The following LSAMP variants were observed in gnomAD, a reference collection of about 807,000 sequenced individuals.
LSAMP encodes limbic system-associated membrane protein.
In LSAMP, 7 loss-of-function variants were observed where a neutral mutation model predicts 38.6. That is an observed-to-expected ratio of 0.18 (90% confidence interval 0.10 to 0.34). The LOEUF is 0.34. LSAMP is among the 10% of genes least tolerant of loss of function. LSAMP has a pLI of 1.00. For missense variants in LSAMP, 313 were observed against 420.0 expected, an observed-to-expected ratio of 0.75 and a Z score of 2.23; for synonymous variants, 154 against 166.8, an observed-to-expected ratio of 0.92 and a Z score of 0.59.
chr3:115,994,980 G>A (rs780553898), intron 3 of LSAMP, among the ~76,000 whole-genome samples: 1 of 152,024 alleles, frequency 6.6e-6, no homozygotes, highest in Non-Finnish European at 1.5e-5. Flanking sequence ...GCTGGGCATC[G>A]CACAATGCCC....
intron 2 of LSAMP, among the ~76,000 whole-genome samples, chr3:116,075,080 T>C (rs1182611041): frequency 6.6e-6 from 1 of 151,414 alleles, no homozygotes; most frequent in Non-Finnish European, 1.5e-5. Context: ...TCTGGTGATC[T>C]GCCCATCTTG....
At chr3:115,901,562 G>A (rs543421977) in intron 3 of LSAMP, among the ~76,000 whole-genome samples, 5 of 152,194 alleles carry the variant, frequency 3.3e-5, no homozygotes, top group East Asian at 1.9e-4. Flanking sequence ...CAAAACCAGC[G>A]TATCTCCCTG....
intron 1 of LSAMP, among the ~76,000 whole-genome samples, chr3:116,228,595 A>G (rs1342036243): frequency 6.6e-6 from 1 of 152,132 alleles, no homozygotes; most frequent in Non-Finnish European, 1.5e-5. Flanking sequence ...ACAATAAATG[A>G]CAGCTGTAAC....
chr3:116,321,990 T>C (rs1170666573), intron 1 of LSAMP, among the ~76,000 whole-genome samples: 1 of 152,192 alleles, frequency 6.6e-6, no homozygotes, highest in Non-Finnish European at 1.5e-5. Flanking sequence ...GGAAGACACA[T>C]GATGAATACA....
At chr3:116,165,288 T>C (rs1312189868) in intron 1 of LSAMP, among the ~76,000 whole-genome samples, 1 of 152,046 alleles carries the variant, frequency 6.6e-6, no homozygotes, top group Non-Finnish European at 1.5e-5. Flanking sequence ...GCCCCCATCA[T>C]TGCAGCTTTC....
intron 3 of LSAMP, among the ~76,000 whole-genome samples, chr3:115,936,221 G>T (rs1435560773): frequency 6.6e-6 from 1 of 152,158 alleles, no homozygotes; most frequent in Admixed American, 6.5e-5. Context: ...TTGGTAGCTA[G>T]AATAGCTAAG....
At chr3:115,862,288 T>C (rs1422691670) in intron 3 of LSAMP, among the ~76,000 whole-genome samples, 3 of 152,224 alleles carry the variant, frequency 2.0e-5, no homozygotes, top group Non-Finnish European at 2.9e-5. Context: ...CATAAATCAA[T>C]TGGCATTTAG....
At chr3:115,870,329 T>C (rs1471540921) in intron 3 of LSAMP, among the ~76,000 whole-genome samples, 1 of 152,170 alleles carries the variant, frequency 6.6e-6, no homozygotes, top group African/African-American at 2.4e-5. Context: ...TTCCCATTTT[T>C]TTAAGTTGGG....
At chr3:116,213,030 T>C (rs1460851839) in intron 1 of LSAMP, among the ~76,000 whole-genome samples, 2 of 152,230 alleles carry the variant, frequency 1.3e-5, no homozygotes, top group African/African-American at 2.4e-5. Context: ...TTTTAAACTA[T>C]ATTCAAAGAT....
At chr3:115,861,186 C>T (rs533040457) in intron 3 of LSAMP, among the ~76,000 whole-genome samples, 7 of 128,112 alleles carry the variant, frequency 5.5e-5, no homozygotes, top group African/African-American at 1.8e-4. Flanking sequence ...TCCTTCCTTC[C>T]TTCCTTCCTT....
At chr3:116,278,469 A>G (rs2047082906) in intron 1 of LSAMP, among the ~76,000 whole-genome samples, 1 of 152,234 alleles carries the variant, frequency 6.6e-6, no homozygotes, top group Non-Finnish European at 1.5e-5. Context: ...AGGAACATAA[A>G]TTCAGTTGGG....
chr3:115,882,007 T>C (rs1936335865), intron 3 of LSAMP, among the ~76,000 whole-genome samples: 1 of 152,150 alleles, frequency 6.6e-6, no homozygotes, highest in Non-Finnish European at 1.5e-5. Flanking sequence ...AAGTGATTAA[T>C]GATAGACTGT....
rs1384790274 is a variant in LSAMP at position 116,097,653 on chromosome 3, C to A, written c.156-11097G>T. 2.0e-5 allele frequency among the ~76,000 whole-genome samples: 3 copies of A among 152,184 alleles called. No individual in the cohort carries two copies. In the East Asian group the frequency reaches 5.8e-4, roughly 29 times the overall value. ...GGACTACCATTAGAAAATGGCTCTA[C>A]TGTCTGGTTTGCCTTCCCTGGTAGA... On this transcript the variant is annotated intron_variant, in intron 1 of 6. Transcript: ENST00000490035.
intron 1 of LSAMP, among the ~76,000 whole-genome samples, chr3:116,366,005 G>C (rs2048346517): frequency 5.2e-5 from 1 of 19,372 alleles, no homozygotes; most frequent in Non-Finnish European, 1.0e-4. Context: ...CTAAAACTTA[G>C]AGTATAATAA....
intron 3 of LSAMP, among the ~76,000 whole-genome samples, chr3:115,935,517 G>T (rs551906147): frequency 1.3e-5 from 2 of 152,158 alleles, no homozygotes; most frequent in African/African-American, 4.8e-5. Flanking sequence ...ACTAGGTATC[G>T]GAGGCTCTGC....
At chr3:115,981,688 T>C (rs1348116024) in intron 3 of LSAMP, among the ~76,000 whole-genome samples, 1 of 152,186 alleles carries the variant, frequency 6.6e-6, no homozygotes, top group East Asian at 1.9e-4. Context: ...GAATTGTTTG[T>C]GCTTTAGTCA....
chr3:116,256,552 ATG>A (rs1559801698), intron 1 of LSAMP, among the ~76,000 whole-genome samples: 1 of 152,190 alleles, frequency 6.6e-6, no homozygotes, highest in East Asian at 1.9e-4. Context: ...AATATATAAC[ATG>A]CCTTTATCTG....
intron 1 of LSAMP, among the ~76,000 whole-genome samples, chr3:116,262,160 G>A (rs2046834543): frequency 6.6e-6 from 1 of 151,980 alleles, no homozygotes; most frequent in Non-Finnish European, 1.5e-5. Context: ...TTACCTAAAT[G>A]CAATGACTAT....
intron 1 of LSAMP, among the ~76,000 whole-genome samples, chr3:116,402,751 T>C (rs566265441): frequency 6.5e-4 from 99 of 151,766 alleles, no homozygotes; most frequent in African/African-American, 2.2e-3. Flanking sequence ...ATAAATCTAC[T>C]ATACAAAATA....
Sources: allele counts gnomAD v4.1 joint callset (sites outside exome capture counted in the v4.1 genomes callset), GRCh38; gene constraint gnomAD v4.1.1; transcripts MANE v1.5; gene names NCBI Gene and HGNC (gene_info 2026-07-23, HGNC 2026-07-21).